Variants in NUDCD1 observed in about 807,000 individuals in gnomAD.
The protein encoded by NUDCD1 is nudC domain-containing protein 1.
Under a neutral mutation model 67.8 loss-of-function variants are expected in NUDCD1, and 60 were observed. The ratio of observed to expected loss-of-function variants is 0.88; its 90% confidence interval spans 0.72 to 1.10. The LOEUF (loss-of-function observed/expected upper bound fraction) is 1.10. Among genes scored for constraint, NUDCD1 ranks in the 50% least tolerant of loss-of-function variants. NUDCD1 has a pLI of 0.00. For missense variants in NUDCD1, 643 were observed against 695.0 expected (o/e 0.93, Z 0.84); for synonymous variants, 244 against 230.8 (o/e 1.06, Z -0.52).
chr8:109,325,298 T>C (rs1273284170), intron 1 of NUDCD1, among the ~76,000 whole-genome samples: 2 of 152,106 alleles, frequency 1.3e-5, no homozygotes, highest in Non-Finnish European at 1.5e-5. Context: ...GTGACTACAG[T>C]TAACAACAAT....
intron 3 of NUDCD1, among the ~76,000 whole-genome samples, chr8:109,294,720 A>G (rs1359050107): frequency 6.6e-6 from 1 of 152,120 alleles, no homozygotes; most frequent in Non-Finnish European, 1.5e-5. Context: ...TACCGTTGAT[A>G]CATGGCACTT....
chr8:109,284,343 C>A (rs1814526124), intron 5 of NUDCD1, among the ~76,000 whole-genome samples: 2 of 152,066 alleles, frequency 1.3e-5, no homozygotes, highest in South Asian at 4.1e-4. Flanking sequence ...TAGTGGGGAA[C>A]TTCAACATAC....
chr8:109,281,001 T>C lies in NUDCD1; in HGVS notation c.995A>G (p.Glu332Gly), dbSNP rs946883275. 1.2e-5 allele frequency: 19 copies of C among 1,606,264 alleles called. No individual in the cohort carries two copies. Among genetic ancestry groups the C allele is most frequent in the Non-Finnish European group, 1.5e-5 (18 of 1,173,282 alleles). The stretch of plus-strand genomic sequence containing the variant: ...CTCTTTAATTATCCATGTACTGCTT[T>C]CATGATCAATAGATGAATAGAGTTT... ...EGKLYSSIDH[E>G]SSTWIIKESN... Residue 332 changes from glutamate (E) to glycine (G), a missense_variant, in exon 6 of 10, where the codon GAA (glutamate) becomes GGA (glycine). By Grantham distance (98) the Glu-to-Gly change is moderately conservative (BLOSUM62 -2). Coordinates refer to ENST00000239690, the MANE Select transcript of NUDCD1 (RefSeq NM_032869.4).
Position 109,242,116 on chromosome 8 carries a change from C to CGCTGTCA in NUDCD1, c.*886_*892dup. The CGCTGTCA allele has an allele frequency of 5.0e-6, 2 of 398,054 alleles. No individual in the cohort carries two copies. The highest frequency in any genetic ancestry group is 8.9e-6 in the Non-Finnish European group (2 of 225,696). 24.7% of individuals were successfully genotyped at this position (398,054 alleles called of 1,614,324 possible). On this transcript the variant is annotated 3_prime_UTR_variant, in exon 10 of 10. Coordinates refer to ENST00000239690, the MANE Select transcript of NUDCD1 (RefSeq NM_032869.4). ...ATGGCCCCCAATGAGTCATACCATC[C>CGCTGTCA]GCTGTCAGCTTGTGTAGTCCCCTCA...
At chr8:109,329,691 G>T in intron 1 of NUDCD1, 1 of 906,392 alleles carries the variant, frequency 1.1e-6, no homozygotes, top group Non-Finnish European at 1.7e-6. Flanking sequence ...TGATTTCACG[G>T]GTGTATACAT....
chr8:109,323,783 A>T (rs1199563315), intron 1 of NUDCD1, among the ~76,000 whole-genome samples: 1 of 152,222 alleles, frequency 6.6e-6, no homozygotes, highest in Non-Finnish European at 1.5e-5. Context: ...AAATCCATGT[A>T]CATGTAGCCA....
intron 1 of NUDCD1, among the ~76,000 whole-genome samples, chr8:109,331,420 G>A (rs1406591951): frequency 6.6e-6 from 1 of 151,412 alleles, no homozygotes; most frequent in Non-Finnish European, 1.5e-5. Flanking sequence ...GGAGGCTGAG[G>A]CAGGAGAATC....
rs768672012 is a variant in NUDCD1, at chr8:109,243,174, T to C, written c.1587A>G (p.Val529=). The C allele has an allele frequency of 1.9e-6, 3 of 1,613,774 alleles. No homozygotes were observed. Among genetic ancestry groups the C allele is most frequent in the Non-Finnish European group, 2.5e-6 (3 of 1,179,852 alleles). The stretch of plus-strand genomic sequence containing the variant: ...GCCTGCCTTCCTTTCTGTTGTAAAG[T>C]ACAGTGGACATGGGAGCAGGCTGAC... ...IYRQPAPMST[V]LYNRKEGRQV... The change falls in exon 10 of 10, where the codon GTA becomes GTG. Residue 529 remains valine, a synonymous_variant. Transcript: ENST00000239690.
At chr8:109,286,193 T>C (rs938203674) in intron 5 of NUDCD1, among the ~76,000 whole-genome samples, 2 of 151,952 alleles carry the variant, frequency 1.3e-5, no homozygotes, top group African/African-American at 4.8e-5. Flanking sequence ...AGCTAATAGG[T>C]TGGAATAATC....
intron 1 of NUDCD1, among the ~76,000 whole-genome samples, chr8:109,325,673 G>GC (rs1161480012): frequency 6.6e-6 from 1 of 152,190 alleles, no homozygotes. Context: ...AGGAAAGGTT[G>GC]CAATAAATGA....
chr8:109,255,961 G>A (rs998247564), intron 8 of NUDCD1, among the ~76,000 whole-genome samples: 1 of 152,190 alleles, frequency 6.6e-6, no homozygotes, highest in Non-Finnish European at 1.5e-5. Flanking sequence ...TGTTATCCCA[G>A]CAATTGGGAG....
At chr8:109,325,000 G>C (rs1235544806) in intron 1 of NUDCD1, among the ~76,000 whole-genome samples, 1 of 152,036 alleles carries the variant, frequency 6.6e-6, no homozygotes, top group Non-Finnish European at 1.5e-5. Context: ...TGAGGCACGA[G>C]AATCGCTTGA....
chr8:109,321,088 G>A (rs1815522681), intron 2 of NUDCD1, among the ~76,000 whole-genome samples: 1 of 152,128 alleles, frequency 6.6e-6, no homozygotes, highest in Non-Finnish European at 1.5e-5. Flanking sequence ...TAAAAACATG[G>A]ATTTTGCCAT....
At chr8:109,318,120 G>T (rs1425394258) in intron 2 of NUDCD1, among the ~76,000 whole-genome samples, 1 of 152,104 alleles carries the variant, frequency 6.6e-6, no homozygotes, top group Non-Finnish European at 1.5e-5. Flanking sequence ...GAACTCATTT[G>T]GTAAGTCTGT....
At chr8:109,312,227 G>A (rs968958456) in intron 2 of NUDCD1, among the ~76,000 whole-genome samples, 40 of 148,422 alleles carry the variant, frequency 2.7e-4, no homozygotes, top group African/African-American at 3.0e-4. Flanking sequence ...GCTTGAACAC[G>A]GAGGCAGAGT....
intron 2 of NUDCD1, among the ~76,000 whole-genome samples, chr8:109,304,986 T>C (rs997296082): frequency 1.3e-5 from 2 of 152,194 alleles, no homozygotes; most frequent in South Asian, 4.1e-4. Context: ...CGTCATTTCA[T>C]AACCTCTTCC....
intron 5 of NUDCD1, among the ~76,000 whole-genome samples, chr8:109,283,358 G>C (rs1428962528): frequency 6.6e-6 from 1 of 152,122 alleles, no homozygotes; most frequent in Non-Finnish European, 1.5e-5. Flanking sequence ...TAAACAAACT[G>C]AAAAACATGT....
chr8:109,330,026 A>G (rs1179182906), intron 1 of NUDCD1: 7 of 688,828 alleles, frequency 1.0e-5, no homozygotes, highest in Non-Finnish European at 1.4e-5. Context: ...GTAAGCCAAC[A>G]TGAAAGAATG....
In NUDCD1 at chr8:109,262,289, G is replaced by C. The variant is rs376573233; in HGVS notation, c.1299+8716C>G. The stretch of plus-strand genomic sequence containing the variant: ...ACAGACAAAATGGACTCCCATGGCT[G>C]AAGTGCTCAAAGTTAAAACAGAAGC... On this transcript the variant is annotated intron_variant, in intron 8 of 9. Transcript: ENST00000239690. 2.6e-4 allele frequency among the ~76,000 whole-genome samples: 39 copies of C among 152,320 alleles called. No homozygotes were observed. In the East Asian group the frequency reaches 6.4e-3, roughly 25 times the overall value.
Sources: gnomAD v4.1 joint callset for allele counts (sites outside exome capture counted in the v4.1 genomes callset) on GRCh38, gnomAD v4.1.1 for gene constraint, MANE v1.5 for transcripts, NCBI Gene and HGNC (gene_info 2026-07-23, HGNC 2026-07-21) for gene names.